HMG20A: variants seen among roughly 807,000 people sequenced by gnomAD.
HMG20A encodes high mobility group 20A, also known as high mobility group protein 20A.
In HMG20A, 17 loss-of-function variants were observed where a neutral mutation model predicts 43.9. The ratio of observed to expected loss-of-function variants is 0.39; its 90% confidence interval spans 0.27 to 0.58. The LOEUF (loss-of-function observed/expected upper bound fraction) is 0.58. HMG20A is among the 20% of genes least tolerant of loss of function. HMG20A has a pLI of 0.59. For synonymous variants in HMG20A, 132 were observed against 147.5 expected (o/e 0.89, Z 0.76); for missense variants, 341 against 438.2 (o/e 0.78, Z 1.98).
At chr15:77,510,698 T>C in the HMG20A span, among the ~76,000 whole-genome samples, 1 of 152,168 alleles carries the variant, frequency 6.6e-6, no homozygotes, top group African/African-American at 2.4e-5. Context: ...TGCCAGCAGC[T>C]CCGGCAGTAG....
At chr15:77,475,753 A>G (rs1567406717) in intron 6 of HMG20A, among the ~76,000 whole-genome samples, 1 of 152,344 alleles carries the variant, frequency 6.6e-6, no homozygotes, top group South Asian at 2.1e-4. Flanking sequence ...GTTAAAGCAT[A>G]TGGGAAGCCA....
At position 77,451,213 on chromosome 15, in the gene HMG20A, A is replaced by G. The variant is rs373979686; in HGVS notation, c.-4-7191A>G. On this transcript the variant is annotated intron_variant, in intron 1 of 9. Transcript: ENST00000336216. ...AGTTTTGGCAATTATGAATAAAGCT[A>G]CTATAAACATCTGTGTGCAGGTTTT... 1.1e-4 allele frequency among the ~76,000 whole-genome samples: 17 copies of G among 152,356 alleles called. No homozygotes were observed. In the East Asian group the frequency reaches 3.1e-3, roughly 28 times the overall value.
chr15:77,490,947 C>T, the HMG20A span, among the ~76,000 whole-genome samples: 1 of 152,182 alleles, frequency 6.6e-6, no homozygotes, highest in African/African-American at 2.4e-5. Flanking sequence ...CTATCCTCAG[C>T]GCATGTGCAC....
chr15:77,463,177 C>T (rs1305322031), intron 2 of HMG20A, among the ~76,000 whole-genome samples: 2 of 152,096 alleles, frequency 1.3e-5, no homozygotes. Context: ...CTCCCTTTCT[C>T]CTTTTATACC....
chr15:77,463,145 A>G (rs926457969), intron 2 of HMG20A, among the ~76,000 whole-genome samples: 3 of 151,994 alleles, frequency 2.0e-5, no homozygotes, highest in Non-Finnish European at 4.4e-5. Flanking sequence ...CACTTAATCT[A>G]TTACAGTAAC....
the HMG20A span, among the ~76,000 whole-genome samples, chr15:77,495,642 A>G: frequency 6.6e-6 from 1 of 152,178 alleles, no homozygotes; most frequent in African/African-American, 2.4e-5. Context: ...AGTGTCCCAA[A>G]AGCCTCTGGA....
chr15:77,510,049 A>G, the HMG20A span, among the ~76,000 whole-genome samples: 1 of 151,588 alleles, frequency 6.6e-6, no homozygotes, highest in African/African-American at 2.4e-5. Flanking sequence ...TCCTGTTTCC[A>G]TCACTCACAG....
intron 9 of HMG20A, among the ~76,000 whole-genome samples, chr15:77,481,864 AG>A (rs2072908209): frequency 6.6e-6 from 1 of 152,246 alleles, no homozygotes; most frequent in Non-Finnish European, 1.5e-5. Flanking sequence ...ATGTACAGAC[AG>A]CGAGGCTGAT....
the HMG20A span, among the ~76,000 whole-genome samples, chr15:77,513,654 C>T: frequency 6.6e-6 from 1 of 152,054 alleles, no homozygotes; most frequent in Non-Finnish European, 1.5e-5. Context: ...CTTGGTGTCT[C>T]TTTCTCTTCT....
chr15:77,458,600 ACGG>A, intron 2 of HMG20A, 104 bp downstream of exon 2: 1 of 681,830 alleles, frequency 1.5e-6, no homozygotes, highest in Non-Finnish European at 2.5e-6. Flanking sequence ...ATAAGAATAG[ACGG>A]TGCACTTGTT....
rs575945773 is a variant in HMG20A, at chr15:77,425,408, A to G, written c.-5+4404A>G. Among the ~76,000 whole-genome samples, 27 of 152,316 alleles carry G rather than the reference A, an allele frequency of 1.8e-4. No individual in the cohort carries two copies. The East Asian group carries it at 3.7e-3, about 21-fold the overall frequency. On this transcript the variant is annotated intron_variant, in intron 1 of 9. Transcript: ENST00000336216. ...AACTGATCAATAACTTTTGTCCACA[A>G]TTATGCCCAGCATCAGCACAATGGC...
chr15:77,440,642 A>G (rs1224285890), intron 1 of HMG20A, among the ~76,000 whole-genome samples: 1 of 152,158 alleles, frequency 6.6e-6, no homozygotes, highest in East Asian at 1.9e-4. Flanking sequence ...ACATTATAAT[A>G]TATACTTCCA....
At chr15:77,482,577 A>C (rs2072914354) in intron 9 of HMG20A, 1 of 152,184 alleles carries the variant, frequency 6.6e-6, no homozygotes, top group Non-Finnish European at 1.5e-5. Context: ...ATACATGCAG[A>C]TATCCTTAGT....
the HMG20A span, among the ~76,000 whole-genome samples, chr15:77,492,744 G>A: frequency 2.0e-5 from 3 of 152,080 alleles, no homozygotes; most frequent in East Asian, 1.9e-4. Context: ...CCGGGAAGTC[G>A]TGGCTGCAGT....
chr15:77,426,347 C>G (rs1187421879), intron 1 of HMG20A, among the ~76,000 whole-genome samples: 1 of 152,082 alleles, frequency 6.6e-6, no homozygotes, highest in Non-Finnish European at 1.5e-5. Context: ...GAAGCCTTAC[C>G]AATAGCATAA....
intron 1 of HMG20A, among the ~76,000 whole-genome samples, chr15:77,454,163 T>C: frequency 7.7e-6 from 1 of 129,354 alleles, no homozygotes; most frequent in South Asian, 2.5e-4. Context: ...CCCTGTCTCT[T>C]AAAAAAAAAA....
At chr15:77,478,906 C>G (rs971424083) in intron 8 of HMG20A, among the ~76,000 whole-genome samples, 2 of 152,194 alleles carry the variant, frequency 1.3e-5, no homozygotes, top group African/African-American at 4.8e-5. Flanking sequence ...TATACTCTTT[C>G]ATTTTGAAGA....
intron 1 of HMG20A, among the ~76,000 whole-genome samples, chr15:77,431,102 T>A (rs1014607507): frequency 2.0e-5 from 3 of 152,204 alleles, no homozygotes. Context: ...AAGGAACAAT[T>A]AGACTGACAT....
chr15:77,424,549 A>G (rs1408240232), intron 1 of HMG20A, among the ~76,000 whole-genome samples: 1 of 152,108 alleles, frequency 6.6e-6, no homozygotes, highest in African/African-American at 2.4e-5. Flanking sequence ...CATTAATGCA[A>G]TTATCTTACC....
Sources: gnomAD v4.1 joint callset for allele counts (sites outside exome capture counted in the v4.1 genomes callset) on GRCh38, gnomAD v4.1.1 for gene constraint, MANE v1.5 for transcripts, NCBI Gene and HGNC (gene_info 2026-07-23, HGNC 2026-07-21) for gene names.